Variants in IGSF21 observed in about 807,000 individuals in gnomAD.
IGSF21 encodes immunoglobin superfamily member 21, also known as immunoglobulin superfamily member 21.
Under a neutral mutation model 46.8 loss-of-function variants are expected in IGSF21, and 28 were observed. The ratio of observed to expected loss-of-function variants is 0.60; its 90% confidence interval spans 0.44 to 0.82. IGSF21 has a LOEUF of 0.82. Ranked by LOEUF, IGSF21 falls within the 40% of genes least tolerant of loss-of-function variation. IGSF21 has a pLI of 0.00. For synonymous variants in IGSF21, 284 were observed against 273.6 expected (o/e 1.04, Z -0.38); for missense variants, 624 against 665.5 (o/e 0.94, Z 0.69).
chr1:18,200,940 G>A (rs2124482847), intron 1 of IGSF21, among the ~76,000 whole-genome samples: 1 of 152,304 alleles, frequency 6.6e-6, no homozygotes, highest in Non-Finnish European at 1.5e-5. Context: ...GCGCTATCCT[G>A]TTCTGTGCTA....
chr1:18,346,680 T>C (rs945014281), intron 4 of IGSF21, among the ~76,000 whole-genome samples: 2 of 151,972 alleles, frequency 1.3e-5, no homozygotes, highest in Non-Finnish European at 2.9e-5. Context: ...TCGCAGAAAA[T>C]GGGCCGTTGG....
intron 1 of IGSF21, among the ~76,000 whole-genome samples, chr1:18,132,936 A>C (rs1278696608): frequency 6.6e-6 from 1 of 152,130 alleles, no homozygotes; most frequent in Non-Finnish European, 1.5e-5. Context: ...GAGGGGACGG[A>C]GACAGGGTTG....
In IGSF21 at chr1:18,306,164, G is replaced by A. The variant is rs188540636; in HGVS notation, c.305+14177G>A. Among the ~76,000 whole-genome samples the A allele has an allele frequency of 3.3e-5, 5 of 152,282 alleles. No individual in the cohort carries two copies. In the East Asian group the frequency reaches 5.8e-4, roughly 18 times the overall value. Reference sequence around the variant, plus strand: ...TCTCCCATCAGGCCTAGGATACCCTGTATGCTCGGCCCCATCCACCTGGCC... The same window carrying A: ...TCTCCCATCAGGCCTAGGATACCCTATATGCTCGGCCCCATCCACCTGGCC... On this transcript the variant is annotated intron_variant, in intron 3 of 9. Coordinates refer to ENST00000251296, the MANE Select transcript of IGSF21 (RefSeq NM_032880.5).
At chr1:18,219,119 C>T (rs2084481814) in intron 1 of IGSF21, among the ~76,000 whole-genome samples, 2 of 152,104 alleles carry the variant, frequency 1.3e-5, no homozygotes, top group South Asian at 2.1e-4. Flanking sequence ...TGTCAACAGA[C>T]AATAAACAAG....
At chr1:18,173,776 C>T (rs1026671427) in intron 1 of IGSF21, among the ~76,000 whole-genome samples, 8 of 152,184 alleles carry the variant, frequency 5.3e-5, no homozygotes, top group South Asian at 2.1e-4. Context: ...TATTTGGAGA[C>T]GGAGTCTCAC....
In IGSF21 at chr1:18,160,138, T is replaced by C. The variant is rs76868388; in HGVS notation, c.70+51940T>C. ...TGGTGATCTTTGGGCAGGGCCAGGC[T>C]AGGGGGAGAGAAGGAAGGAAAAACA... On this transcript the variant is annotated intron_variant, in intron 1 of 9. Coordinates refer to ENST00000251296, the MANE Select transcript of IGSF21 (RefSeq NM_032880.5). Among the ~76,000 whole-genome samples, 1,428 of 152,194 alleles carry C rather than the reference T, an allele frequency of 9.4e-3. 23 individuals carry two copies. Among genetic ancestry groups the C allele is most frequent in the African/African-American group, 0.032 (1,323 of 41,518 alleles).
At chr1:18,127,952 A>G (rs572024491) in intron 1 of IGSF21, among the ~76,000 whole-genome samples, 4 of 152,218 alleles carry the variant, frequency 2.6e-5, no homozygotes, top group South Asian at 2.1e-4. Context: ...TGCCCAAAGC[A>G]TCTGACATCC....
intron 2 of IGSF21, among the ~76,000 whole-genome samples, chr1:18,284,809 G>T (rs1057159260): frequency 2.0e-5 from 3 of 152,212 alleles, no homozygotes; most frequent in Non-Finnish European, 4.4e-5. Context: ...GCCTGGGCTG[G>T]GATTGGAAGC....
chr1:18,354,745 G>A (rs1017080227), intron 4 of IGSF21, among the ~76,000 whole-genome samples: 2 of 152,086 alleles, frequency 1.3e-5, no homozygotes, highest in African/African-American at 4.8e-5. Flanking sequence ...TCCCTTCCTC[G>A]AGACAATGGT....
chr1:18,278,267 T>C (rs994513449), intron 2 of IGSF21, among the ~76,000 whole-genome samples: 1 of 151,770 alleles, frequency 6.6e-6, no homozygotes, highest in Non-Finnish European at 1.5e-5. Flanking sequence ...TGAGACAGAG[T>C]CTCACTCTGT....
intron 1 of IGSF21, among the ~76,000 whole-genome samples, chr1:18,134,277 C>T (rs1158659447): frequency 2.6e-5 from 4 of 152,148 alleles, no homozygotes; most frequent in Non-Finnish European, 5.9e-5. Context: ...ATTCTGCTGT[C>T]ACCCTCTCTG....
At chr1:18,204,698 C>G (rs1438257419) in intron 1 of IGSF21, among the ~76,000 whole-genome samples, 3 of 152,146 alleles carry the variant, frequency 2.0e-5, no homozygotes, top group African/African-American at 7.2e-5. Context: ...GCTGGCTTCT[C>G]TCAGTCCTGG....
At chr1:18,250,405 C>T (rs1013235594) in intron 2 of IGSF21, among the ~76,000 whole-genome samples, 1 of 152,072 alleles carries the variant, frequency 6.6e-6, no homozygotes, top group Non-Finnish European at 1.5e-5. Flanking sequence ...TTTTCCCTCT[C>T]CCTCACCTTC....
Position 18,376,839 on chromosome 1 carries a change from G to A in IGSF21, c.1141G>A (p.Val381Ile). 6.2e-7 allele frequency: 1 copy of A among 1,607,498 alleles called. No homozygotes were observed. Among genetic ancestry groups the A allele is most frequent in the South Asian group, 1.1e-5 (1 of 90,816 alleles). ...FPEPMFTWTR[V>I]GSRLLDGSAE... ...GGAGCCCATGTTCACGTGGACGCGGGTTGGGAGCCGCCTCCTGGACGGCAG... is the reference window on the plus strand; with the variant it reads ...GGAGCCCATGTTCACGTGGACGCGGATTGGGAGCCGCCTCCTGGACGGCAG... Residue 381 changes from valine to isoleucine, a missense_variant, in exon 8 of 10, where the codon GTT (valine) becomes ATT (isoleucine). By Grantham distance (29) the Val-to-Ile change is conservative. Coordinates refer to ENST00000251296, the MANE Select transcript of IGSF21 (RefSeq NM_032880.5).
chr1:18,333,172 G>T (rs890077911), intron 3 of IGSF21, among the ~76,000 whole-genome samples: 10 of 152,196 alleles, frequency 6.6e-5, no homozygotes, highest in African/African-American at 2.4e-4. Context: ...GTCCTTGTCA[G>T]GCAGGTTAGT....
intron 6 of IGSF21, among the ~76,000 whole-genome samples, chr1:18,375,684 A>C (rs781675454): frequency 1.3e-5 from 2 of 152,180 alleles, no homozygotes; most frequent in Non-Finnish European, 2.9e-5. Flanking sequence ...CCCACTGGGA[A>C]GATTAACCTG....
intron 4 of IGSF21, among the ~76,000 whole-genome samples, chr1:18,341,149 G>A (rs1200439317): frequency 2.3e-5 from 3 of 132,368 alleles, no homozygotes; most frequent in Non-Finnish European, 4.7e-5. Context: ...TTTTGTGTGT[G>A]TGAGACAGTC....
intron 2 of IGSF21, among the ~76,000 whole-genome samples, chr1:18,236,680 A>G (rs974538695): frequency 3.9e-5 from 6 of 152,172 alleles, no homozygotes; most frequent in Admixed American, 3.3e-4. Context: ...GTAGACCAAC[A>G]GAGAGGCTGA....
At chr1:18,348,695 T>C (rs1260062176) in intron 4 of IGSF21, among the ~76,000 whole-genome samples, 1 of 152,178 alleles carries the variant, frequency 6.6e-6, no homozygotes, top group Admixed American at 6.5e-5. Context: ...GAGGAGGCTA[T>C]AGCTGCCTCT....
Sources: allele counts gnomAD v4.1 joint callset (sites outside exome capture counted in the v4.1 genomes callset), GRCh38; gene constraint gnomAD v4.1.1; transcripts MANE v1.5; gene names NCBI Gene and HGNC (gene_info 2026-07-23, HGNC 2026-07-21).